The following PTPRD variants were observed in gnomAD, a reference collection of about 807,000 sequenced individuals.
PTPRD encodes protein tyrosine phosphatase receptor type D.
In PTPRD, 34 loss-of-function variants were observed where a neutral mutation model predicts 214.5. That is an observed-to-expected ratio of 0.16 (90% CI 0.12 to 0.21). The LOEUF (loss-of-function observed/expected upper bound fraction) is 0.21. Among genes scored for constraint, PTPRD ranks in the 10% least tolerant of loss-of-function variants. The probability of loss-of-function intolerance (pLI) is 1.00; values close to 1 mark genes in which losing one functional copy is unlikely to be tolerated. For synonymous variants in PTPRD, 1,128 were observed against 845.7 expected, an observed-to-expected ratio of 1.33 and a Z score of -5.79; for missense variants, 2,545 against 2,398.7, an observed-to-expected ratio of 1.06 and a Z score of -1.27.
intron 9 of PTPRD, among the ~76,000 whole-genome samples, chr9:9,226,126 G>C (rs531206826): frequency 1.2e-4 from 18 of 151,802 alleles, no homozygotes; most frequent in Non-Finnish European, 1.6e-4. Flanking sequence ...CACTTAAAAG[G>C]CTGCTTTATA....
At chr9:9,191,626 CTGA>C (rs2099935235) in intron 9 of PTPRD, among the ~76,000 whole-genome samples, 1 of 152,024 alleles carries the variant, frequency 6.6e-6, no homozygotes, top group Admixed American at 6.6e-5. Context: ...TCAGAGATGC[CTGA>C]TGATGACCAT....
At chr9:9,513,163 G>A (rs1467013738) in intron 8 of PTPRD, among the ~76,000 whole-genome samples, 1 of 151,746 alleles carries the variant, frequency 6.6e-6, no homozygotes, top group Non-Finnish European at 1.5e-5. Context: ...TCAGTAAATG[G>A]CCACAGTCTT....
chr9:8,390,084 A>G (rs1564481185), intron 36 of PTPRD, among the ~76,000 whole-genome samples: 1 of 152,182 alleles, frequency 6.6e-6, no homozygotes, highest in Non-Finnish European at 1.5e-5. Flanking sequence ...TAAGCAGCAC[A>G]TGAACCTCCT....
intron 9 of PTPRD, among the ~76,000 whole-genome samples, chr9:9,269,363 G>C (rs1941772234): frequency 6.6e-6 from 1 of 151,286 alleles, no homozygotes. Flanking sequence ...ATAAGTGCTG[G>C]TGAGAGTGTG....
chr9:9,765,294 G>C (rs960551769), intron 6 of PTPRD, among the ~76,000 whole-genome samples: 3 of 152,052 alleles, frequency 2.0e-5, no homozygotes, highest in African/African-American at 7.2e-5. Context: ...TATGTTTTGG[G>C]CCAAATAAAA....
intron 3 of PTPRD, among the ~76,000 whole-genome samples, chr9:10,246,886 C>T (rs776468564): frequency 2.0e-5 from 3 of 151,312 alleles, no homozygotes; most frequent in Non-Finnish European, 2.9e-5. Context: ...AAGAGCAAAA[C>T]TCTGTCTCAA....
chr9:10,272,886 T>A (rs1429883131), intron 3 of PTPRD, among the ~76,000 whole-genome samples: 1 of 152,214 alleles, frequency 6.6e-6, no homozygotes, highest in Non-Finnish European at 1.5e-5. Flanking sequence ...TAACTTTTAA[T>A]AAATGTCTTT....
chr9:8,542,139 C>T lies in PTPRD; in HGVS notation c.353-13360G>A, dbSNP rs182458497. 1.4e-3 allele frequency among the ~76,000 whole-genome samples: 214 copies of T among 152,156 alleles called. 1 individual carries two copies. The highest frequency in any genetic ancestry group is 5.0e-3 in the African/African-American group (207 of 41,520). On this transcript the variant is annotated intron_variant, in intron 14 of 45. Coordinates refer to ENST00000381196, the MANE Select transcript of PTPRD (RefSeq NM_002839.4). ...ACCTGAGGGCATACATAAAGGATTG[C>T]GATCTTTTTCCAAAAGCAAATGAAA...
At chr9:8,650,202 G>A (rs1278328546) in intron 12 of PTPRD, among the ~76,000 whole-genome samples, 1 of 151,874 alleles carries the variant, frequency 6.6e-6, no homozygotes, top group East Asian at 2.0e-4. Context: ...ACAGGCATGA[G>A]CCCACACTCA....
intron 8 of PTPRD, chr9:9,414,759 C>G (rs143459800): frequency 6.6e-6 from 1 of 152,304 alleles, no homozygotes; most frequent in East Asian, 1.9e-4. Context: ...TACCAGGTAG[C>G]TATCATCTCC....
chr9:10,224,482 T>C (rs1029031556), intron 3 of PTPRD, among the ~76,000 whole-genome samples: 3 of 152,074 alleles, frequency 2.0e-5, no homozygotes, highest in Non-Finnish European at 4.4e-5. Context: ...TTTTTAAAAC[T>C]CTTTACAGTA....
chr9:8,389,626 A>G (rs1041856782), intron 36 of PTPRD, among the ~76,000 whole-genome samples: 1 of 152,204 alleles, frequency 6.6e-6, no homozygotes, highest in Admixed American at 6.5e-5. Context: ...TTATAATACG[A>G]CAAAGAAAAA....
At chr9:9,371,231 C>A (rs1430543183) in intron 9 of PTPRD, among the ~76,000 whole-genome samples, 1 of 152,102 alleles carries the variant, frequency 6.6e-6, no homozygotes, top group African/African-American at 2.4e-5. Flanking sequence ...GGCTGTGAAT[C>A]CATCTGGTCC....
chr9:10,351,893 T>C lies in PTPRD; in HGVS notation c.-599-10876A>G, dbSNP rs996724439. Among the ~76,000 whole-genome samples, 3 of 152,008 alleles carry C rather than the reference T, an allele frequency of 2.0e-5. No individual in the cohort carries two copies. In the South Asian group the frequency reaches 6.2e-4, roughly 31 times the overall value. ...GATGGGTCACAAATGGAGATGGGCA[T>C]AGATGTGTTAGCAAACCTCCTTAGG... On this transcript the variant is annotated intron_variant, in intron 2 of 45. Transcript: ENST00000381196.
chr9:8,407,043 T>C (rs964896986), intron 35 of PTPRD, among the ~76,000 whole-genome samples: 4 of 152,228 alleles, frequency 2.6e-5, no homozygotes, highest in African/African-American at 9.6e-5. Flanking sequence ...AAACAAACTG[T>C]TAACTCATGT....
At chr9:9,471,341 T>C (rs1037632798) in intron 8 of PTPRD, among the ~76,000 whole-genome samples, 2 of 152,142 alleles carry the variant, frequency 1.3e-5, no homozygotes, top group Admixed American at 1.3e-4. Flanking sequence ...CTGTCAACAG[T>C]GACAATAGCA....
At position 8,338,829 on chromosome 9, in the gene PTPRD, A is replaced by G. The variant is rs184307106; in HGVS notation, c.5379+93T>C. The G allele has an allele frequency of 8.4e-5, 86 of 1,025,810 alleles. No individual in the cohort carries two copies. In the East Asian group the frequency reaches 2.3e-3, roughly 28 times the overall value. 63.5% of individuals were successfully genotyped at this position (1,025,810 alleles called of 1,614,324 possible). ...TGATTTCTCTTTGGGACAACAGTCA[A>G]GTGGCAAGTGCTTCTCCCAGAGAGA... On this transcript the variant is annotated intron_variant, in intron 43 of 45. Transcript: ENST00000381196.
At chr9:8,549,568 T>C (rs2081378048) in intron 14 of PTPRD, among the ~76,000 whole-genome samples, 1 of 152,186 alleles carries the variant, frequency 6.6e-6, no homozygotes, top group African/African-American at 2.4e-5. Context: ...TAAGAACAAT[T>C]ATATTATTTT....
intron 3 of PTPRD, among the ~76,000 whole-genome samples, chr9:10,199,394 T>C (rs2099410696): frequency 6.6e-6 from 1 of 152,032 alleles, no homozygotes; most frequent in Admixed American, 6.6e-5. Flanking sequence ...AACAGATCAA[T>C]GTTTATGGGA....
Sources: gnomAD v4.1 joint callset for allele counts (sites outside exome capture counted in the v4.1 genomes callset) on GRCh38, gnomAD v4.1.1 for gene constraint, MANE v1.5 for transcripts, NCBI Gene and HGNC (gene_info 2026-07-23, HGNC 2026-07-21) for gene names.